RTTN: variants seen among roughly 807,000 people sequenced by gnomAD.
RTTN encodes the protein rotatin.
Under a neutral mutation model 269.2 loss-of-function variants are expected in RTTN, and 182 were observed. That is an observed-to-expected ratio of 0.68 (90% CI 0.60 to 0.76). The LOEUF is 0.76. Among genes scored for constraint, RTTN ranks in the 30% least tolerant of loss-of-function variants. The pLI is 0.00. For missense variants in RTTN, 2,545 were observed against 2,608.6 expected (o/e 0.98, Z 0.53); for synonymous variants, 1,006 against 963.5 (o/e 1.04, Z -0.82).
intron 23 of RTTN, 69 bp from the exon 24 acceptor site, chr18:70,128,615 C>A (rs1272278249): frequency 3.0e-6 from 4 of 1,325,752 alleles, no homozygotes; most frequent in Non-Finnish European, 4.2e-6. Context: ...AGATGAGCCA[C>A]AAATGAGGGC....
chr18:70,134,462 A>C lies in RTTN; in HGVS notation c.2954+11T>G. The C allele has an allele frequency of 6.3e-7, 1 of 1,584,722 alleles. No homozygotes were observed. ...CGTCCTTCAAGAAAATCAGAGAAAT[A>C]AATCCTTTACCTTCTAAAAACGGAA... On this transcript the variant is annotated intron_variant, in intron 23 of 48. Coordinates refer to ENST00000640769, the MANE Select transcript of RTTN (RefSeq NM_173630.4).
At chr18:70,124,019 GT>G (rs1471394531) in intron 25 of RTTN, among the ~76,000 whole-genome samples, 1 of 151,626 alleles carries the variant, frequency 6.6e-6, no homozygotes, top group Non-Finnish European at 1.5e-5. Context: ...CAATACCCTT[GT>G]AAAATAGCAT....
At chr18:70,100,881 A>G (rs1206081296) in intron 28 of RTTN, among the ~76,000 whole-genome samples, 1 of 152,188 alleles carries the variant, frequency 6.6e-6, no homozygotes, top group Non-Finnish European at 1.5e-5. Context: ...GGTTACGTTT[A>G]TTGATCTGTG....
chr18:70,127,732 A>G lies in RTTN; in HGVS notation c.3153T>C (p.Asp1051=). The G allele has an allele frequency of 6.2e-7, 1 of 1,609,338 alleles. No homozygotes were observed. The highest frequency in any genetic ancestry group is 1.7e-5 in the Admixed American group (1 of 59,586). Residue 1051 remains aspartate (D), a synonymous_variant, in exon 25 of 49, where the codon GAT becomes GAC. Transcript: ENST00000640769. ...NSETKTQEIL[D]ALKLSTEDIL... ...TGTCCTCTGTAGATAACTTCAATGC[A>G]TCTAAAATTCTAGACAAAAAGAAAA... is the stretch of plus-strand genomic sequence containing the variant.
chr18:70,035,517 T>C (rs1337714369), intron 40 of RTTN, among the ~76,000 whole-genome samples: 1 of 152,078 alleles, frequency 6.6e-6, no homozygotes, highest in Non-Finnish European at 1.5e-5. Context: ...TATACATACA[T>C]TGAAACTGGA....
chr18:70,192,579 G>A (rs898213545), intron 8 of RTTN, among the ~76,000 whole-genome samples: 1 of 151,592 alleles, frequency 6.6e-6, no homozygotes, highest in Non-Finnish European at 1.5e-5. Context: ...CACTCAGGAG[G>A]CTGAGGCGAA....
chr18:70,051,287 A>G (rs1183394791), intron 39 of RTTN, 124 bp downstream of exon 39: 1 of 1,161,984 alleles, frequency 8.6e-7, no homozygotes, highest in African/African-American at 1.6e-5. Flanking sequence ...AAGCACCCTG[A>G]TACCTCTTTT....
intron 10 of RTTN, 55 bp from the exon 11 acceptor site, chr18:70,176,900 G>A (rs887581935): frequency 2.2e-6 from 3 of 1,370,346 alleles, no homozygotes; most frequent in Non-Finnish European, 3.0e-6. Flanking sequence ...TTAGGGGCCA[G>A]TATACAAAAG....
intron 28 of RTTN, among the ~76,000 whole-genome samples, chr18:70,099,920 G>A (rs903044378): frequency 3.9e-5 from 6 of 152,286 alleles, no homozygotes; most frequent in African/African-American, 1.2e-4. Flanking sequence ...TGAGGGCTCT[G>A]TTCTGTTCCA....
In RTTN at chr18:70,003,910, T is replaced by C. The variant is rs1223414293; in HGVS notation, c.*241A>G. On this transcript the variant is annotated 3_prime_UTR_variant, in exon 49 of 49. Coordinates refer to ENST00000640769, the MANE Select transcript of RTTN (RefSeq NM_173630.4). ...AAATGTTTATGTTCCCAGAACTTTC[T>C]ATGCCTTTTCAACAGAAAGGAAAAG... 1.4e-5 allele frequency: 5 copies of C among 346,220 alleles called. No individual in the cohort carries two copies. Among genetic ancestry groups the C allele is most frequent in the Non-Finnish European group, 2.1e-5 (4 of 193,378 alleles). 21.4% of individuals were successfully genotyped at this position (346,220 alleles called of 1,614,324 possible).
At chr18:70,069,706 C>T (rs557442975) in intron 34 of RTTN, among the ~76,000 whole-genome samples, 2 of 152,190 alleles carry the variant, frequency 1.3e-5, no homozygotes, top group East Asian at 3.9e-4. Flanking sequence ...ATTGTATTTG[C>T]CAAAATGATC....
chr18:70,112,503 C>T (rs931282261), intron 27 of RTTN, among the ~76,000 whole-genome samples: 45 of 45,688 alleles, frequency 9.8e-4, no homozygotes, highest in African/African-American at 2.1e-3. Flanking sequence ...AAAAAAAAAG[C>T]AAGAGCTACC....
Position 70,127,512 on chromosome 18 carries a change from C to T in RTTN, c.3373G>A (p.Ala1125Thr), listed in dbSNP as rs183531175. The change falls in exon 25 of 49, where the codon GCA becomes ACA. Residue 1125 changes from alanine (A) to threonine (T), a missense_variant. Ala to Thr is a moderately conservative substitution (Grantham distance 58). Coordinates refer to ENST00000640769, the MANE Select transcript of RTTN (RefSeq NM_173630.4). ...VTLKSLAWHT[A>T]LNRFLQVLPA... ...TGACCTTACACTGACCTGTTTAGTG[C>T]GGTGTGCCAAGCCAAGGACTTCAAG... The T allele has an allele frequency of 1.1e-4, 178 of 1,613,156 alleles. No homozygotes were observed. Among genetic ancestry groups the T allele is most frequent in the East Asian group, 3.3e-4 (15 of 44,858 alleles).
Position 70,146,119 on chromosome 18 carries a change from T to G in RTTN, c.2310-336A>C, listed in dbSNP as rs117965675. 9.5e-3 allele frequency among the ~76,000 whole-genome samples: 1,439 copies of G among 152,240 alleles called. 13 individuals are homozygous for G. Among genetic ancestry groups the G allele is most frequent in the Middle Eastern group, 0.02 (6 of 294 alleles). ...TGTCTTCAAATCTAGTGAACTATTC[T>G]CCACCATAAAAAGTATCACAGACCG... On this transcript the variant is annotated intron_variant, in intron 17 of 48. Coordinates refer to ENST00000640769, the MANE Select transcript of RTTN (RefSeq NM_173630.4).
intron 40 of RTTN, among the ~76,000 whole-genome samples, chr18:70,046,210 G>A (rs143284075): frequency 6.6e-6 from 1 of 152,154 alleles, no homozygotes; most frequent in Non-Finnish European, 1.5e-5. Flanking sequence ...TGCCTGGCTG[G>A]AAGTCTTTAA....
intron 28 of RTTN, among the ~76,000 whole-genome samples, chr18:70,097,435 C>T (rs1392945413): frequency 6.6e-6 from 1 of 152,338 alleles, no homozygotes; most frequent in East Asian, 1.9e-4. Flanking sequence ...ACAGGGATAC[C>T]TGTTTATGTA....
At chr18:70,115,267 A>G (rs566988246) in intron 26 of RTTN, among the ~76,000 whole-genome samples, 1 of 152,022 alleles carries the variant, frequency 6.6e-6, no homozygotes, top group Non-Finnish European at 1.5e-5. Context: ...AGGACATGAA[A>G]AGACCCACAG....
At chr18:70,114,654 C>T (rs2059558788) in intron 26 of RTTN, 55 bp from the exon 27 acceptor site, 3 of 1,532,564 alleles carry the variant, frequency 2.0e-6, no homozygotes, top group East Asian at 2.3e-5. Context: ...TATATTGTTT[C>T]CTATAAAGGG....
chr18:70,089,270 T>C (rs1478191412), intron 30 of RTTN, among the ~76,000 whole-genome samples: 6 of 152,146 alleles, frequency 3.9e-5, no homozygotes, highest in Non-Finnish European at 7.4e-5. Flanking sequence ...CTAGGAATGG[T>C]GGCCTCAGGA....
Sources: gnomAD v4.1 joint callset for allele counts (sites outside exome capture counted in the v4.1 genomes callset) on GRCh38, gnomAD v4.1.1 for gene constraint, MANE v1.5 for transcripts, NCBI Gene and HGNC (gene_info 2026-07-23, HGNC 2026-07-21) for gene names.